The following SBSPON variants were observed in gnomAD, a reference collection of about 807,000 sequenced individuals.
The protein encoded by SBSPON is somatomedin-B and thrombospondin type-1 domain-containing protein.
A neutral mutation model predicts 35.8 loss-of-function variants in SBSPON; 30 were observed. The observed-to-expected ratio is 0.84, with a 90% CI of 0.63 to 1.14. The LOEUF is 1.14. Ranked by LOEUF, SBSPON falls within the 50% of genes most tolerant of loss-of-function variation. The pLI, the probability that SBSPON is intolerant of heterozygous loss-of-function variation, is 0.00. For synonymous variants in SBSPON, 136 were observed against 135.9 expected (o/e 1.00, Z 0.00); for missense variants, 364 against 357.7 (o/e 1.02, Z -0.14).
At chr8:73,076,265 C>A (rs1472641135) in intron 2 of SBSPON, among the ~76,000 whole-genome samples, 1 of 152,058 alleles carries the variant, frequency 6.6e-6, no homozygotes, top group Non-Finnish European at 1.5e-5. Flanking sequence ...AGAATTGTGG[C>A]CCCCAAAGAA....
intron 2 of SBSPON, among the ~76,000 whole-genome samples, chr8:73,074,221 A>T (rs985677986): frequency 6.6e-6 from 1 of 152,226 alleles, no homozygotes; most frequent in Non-Finnish European, 1.5e-5. Flanking sequence ...TTTGTACTGC[A>T]TATATCATTA....
In SBSPON at chr8:73,067,345, A is replaced by G. The variant is rs531812452; in HGVS notation, c.791T>C (p.Ile264Thr). 1.3e-6 allele frequency: 2 copies of G among 1,528,284 alleles called. No individual in the cohort carries two copies. The highest frequency in any genetic ancestry group is 2.2e-5 in the South Asian group (2 of 89,304). 94.7% of individuals were successfully genotyped at this position (1,528,284 alleles called of 1,614,324 possible). The change falls in exon 5 of 5, where the codon ATA becomes ACA. Residue 264 changes from isoleucine to threonine, a missense_variant. Coordinates refer to ENST00000297354, the MANE Select transcript of SBSPON (RefSeq NM_153225.4). ...TGGAAATATTTATATCACCATCTAT[A>G]TAAAAATAAAACTGTGAACAGCTGG... Reference protein sequence around the residue: ...SCPAVHSFIFI With the variant: ...SCPAVHSFIFT
chr8:73,091,698 C>T (rs1472057233), intron 1 of SBSPON, among the ~76,000 whole-genome samples: 1 of 152,184 alleles, frequency 6.6e-6, no homozygotes, highest in East Asian at 1.9e-4. Flanking sequence ...AGAAGCTTAT[C>T]AAAAAGCTTT....
At chr8:73,075,466 C>G (rs1394754234) in intron 2 of SBSPON, among the ~76,000 whole-genome samples, 1 of 152,256 alleles carries the variant, frequency 6.6e-6, no homozygotes, top group Non-Finnish European at 1.5e-5. Flanking sequence ...AAGCACGTAA[C>G]CCAGCATCCC....
chr8:73,066,500 A>T lies in SBSPON; in HGVS notation c.*841T>A, dbSNP rs1320992137. On this transcript the variant is annotated 3_prime_UTR_variant, in exon 5 of 5. Coordinates refer to ENST00000297354, the MANE Select transcript of SBSPON (RefSeq NM_153225.4). ...AGAAAATGCATGCGGTAGGAAAAAA[A>T]TAGTGAGCTTACATCAACTAAACTT... 1.3e-5 allele frequency: 2 copies of T among 152,212 alleles called. No homozygotes were observed. Among genetic ancestry groups the T allele is most frequent in the African/African-American group, 4.8e-5 (2 of 41,448 alleles). 9.4% of individuals were successfully genotyped at this position (152,212 alleles called of 1,614,324 possible).
chr8:73,088,928 A>C (rs2130042334), intron 1 of SBSPON, among the ~76,000 whole-genome samples: 1 of 152,306 alleles, frequency 6.6e-6, no homozygotes, highest in East Asian at 1.9e-4. Context: ...GTCTGTAAAA[A>C]TGCTAGTATA....
chr8:73,075,655 A>G (rs1810580344), intron 2 of SBSPON: 1 of 221,350 alleles, frequency 4.5e-6, no homozygotes, highest in Non-Finnish European at 7.6e-6. Context: ...CTTACTTTGA[A>G]CATGAAAGTA....
chr8:73,082,414 G>A (rs1810725302), intron 1 of SBSPON, among the ~76,000 whole-genome samples: 1 of 152,080 alleles, frequency 6.6e-6, no homozygotes, highest in Non-Finnish European at 1.5e-5. Context: ...TGTCTTCTTT[G>A]AAAGCTTGAC....
chr8:73,090,776 T>C (rs1810917317), intron 1 of SBSPON, among the ~76,000 whole-genome samples: 1 of 152,154 alleles, frequency 6.6e-6, no homozygotes, highest in Admixed American at 6.5e-5. Context: ...CCATCTCCTT[T>C]TCCCCCACTC....
intron 3 of SBSPON, 130 bp downstream of exon 3, chr8:73,071,650 T>A (rs939097586): frequency 9.8e-6 from 6 of 614,646 alleles, no homozygotes; most frequent in Non-Finnish European, 1.7e-5. Context: ...TGATGAAGAG[T>A]CCATATTTTA....
intron 4 of SBSPON, 78 bp downstream of exon 4, chr8:73,069,727 C>A: frequency 8.4e-7 from 1 of 1,191,644 alleles, no homozygotes; most frequent in South Asian, 1.3e-5. Context: ...ACATACTGGT[C>A]AGCTGTCTGG....
chr8:73,074,333 C>A (rs920321282), intron 2 of SBSPON, among the ~76,000 whole-genome samples: 4 of 152,164 alleles, frequency 2.6e-5, no homozygotes, highest in African/African-American at 9.7e-5. Flanking sequence ...ATACAAAATT[C>A]TTGGAAAAGG....
chr8:73,075,746 A>G (rs1479703726), intron 2 of SBSPON: 3 of 938,654 alleles, frequency 3.2e-6, no homozygotes, highest in Admixed American at 6.2e-5. Context: ...TCACTGGTCT[A>G]TAGTACAGAA....
intron 2 of SBSPON, among the ~76,000 whole-genome samples, chr8:73,072,154 A>T (rs1190935539): frequency 6.6e-6 from 1 of 152,162 alleles, no homozygotes; most frequent in Non-Finnish European, 1.5e-5. Flanking sequence ...CCAGAAGGAA[A>T]GGAAGATGGG....
chr8:73,067,253 C>A lies in SBSPON; in HGVS notation c.*88G>T. 1.2e-6 allele frequency: 1 copy of A among 837,584 alleles called. No individual in the cohort carries two copies. Among genetic ancestry groups the A allele is most frequent in the South Asian group, 1.5e-5 (1 of 66,142 alleles). 51.9% of individuals were successfully genotyped at this position (837,584 alleles called of 1,614,324 possible). On this transcript the variant is annotated 3_prime_UTR_variant, in exon 5 of 5. Transcript: ENST00000297354. ...GCAATGATGTGTTTGGGGACTTTGG[C>A]CAAAATTGAAGGTTTAGGAAACATT...
intron 1 of SBSPON, among the ~76,000 whole-genome samples, chr8:73,089,441 A>G (rs1810892503): frequency 6.6e-6 from 1 of 152,120 alleles, no homozygotes; most frequent in South Asian, 2.1e-4. Flanking sequence ...CTGTAATCCC[A>G]GCTACTCAGG....
chr8:73,077,587 C>T (rs1810616912), intron 2 of SBSPON, among the ~76,000 whole-genome samples: 1 of 152,212 alleles, frequency 6.6e-6, no homozygotes, highest in Non-Finnish European at 1.5e-5. Context: ...AAACCTAGCA[C>T]AGTGCTGGCA....
At chr8:73,073,038 T>C (rs1000025426) in intron 2 of SBSPON, among the ~76,000 whole-genome samples, 13 of 151,812 alleles carry the variant, frequency 8.6e-5, no homozygotes, top group African/African-American at 3.2e-4. Flanking sequence ...ATAACACCTA[T>C]AGGTGTCAGT....
chr8:73,086,594 A>C (rs1416574581), intron 1 of SBSPON, among the ~76,000 whole-genome samples: 2 of 152,332 alleles, frequency 1.3e-5, no homozygotes, highest in African/African-American at 4.8e-5. Context: ...TAAAATGATC[A>C]AGACTTTTCT....
Sources: allele counts gnomAD v4.1 joint callset (sites outside exome capture counted in the v4.1 genomes callset), GRCh38; gene constraint gnomAD v4.1.1; transcripts MANE v1.5; gene names NCBI Gene and HGNC (gene_info 2026-07-23, HGNC 2026-07-21).